LMBRD1: variants seen among roughly 807,000 people sequenced by gnomAD.
LMBRD1 encodes the protein lysosomal cobalamin transport escort protein LMBD1.
LMBRD1 carries 64 observed loss-of-function variants against 74.8 expected under a neutral mutation model. The ratio of observed to expected loss-of-function variants is 0.86; its 90% CI spans 0.70 to 1.05. LMBRD1 has a LOEUF of 1.05. Among genes scored for constraint, LMBRD1 ranks in the 50% least tolerant of loss-of-function variants. The probability of loss-of-function intolerance (pLI) is 0.00; values close to 1 mark genes in which losing one functional copy is unlikely to be tolerated. For missense variants in LMBRD1, 652 were observed against 645.9 expected, an observed-to-expected ratio of 1.01 and a Z score of -0.10; for synonymous variants, 204 against 216.3, an observed-to-expected ratio of 0.94 and a Z score of 0.50.
intron 7 of LMBRD1, among the ~76,000 whole-genome samples, chr6:69,737,677 T>G (rs894625107): frequency 2.0e-5 from 3 of 151,146 alleles, no homozygotes; most frequent in Non-Finnish European, 4.4e-5. Context: ...TTATATAGAT[T>G]TATAAGCATA....
chr6:69,701,842 C>T (rs1243575498), intron 10 of LMBRD1, 47 bp downstream of exon 10: 7 of 1,268,386 alleles, frequency 5.5e-6, no homozygotes, highest in Non-Finnish European at 8.1e-6. Flanking sequence ...TGTATATTAT[C>T]ATAGAATTTG....
At chr6:69,708,691 T>A (rs1303408039) in intron 9 of LMBRD1, among the ~76,000 whole-genome samples, 4 of 152,108 alleles carry the variant, frequency 2.6e-5, no homozygotes, top group South Asian at 4.2e-4. Context: ...AAATTGTAAC[T>A]TTTTTTACAT....
chr6:69,719,158 T>G, intron 7 of LMBRD1, 77 bp from the exon 8 acceptor site: 2 of 1,409,764 alleles, frequency 1.4e-6, no homozygotes, highest in Non-Finnish European at 2.0e-6. Context: ...TAAAAATGTC[T>G]TTTAAAGTCA....
intron 1 of LMBRD1, 98 bp from the exon 2 acceptor site, chr6:69,790,570 GT>G: frequency 8.2e-7 from 1 of 1,223,514 alleles, no homozygotes; most frequent in South Asian, 1.2e-5. Context: ...CTTATGTGAA[GT>G]AAAGGTTATT....
At chr6:69,694,830 C>T (rs1012949539) in intron 14 of LMBRD1, among the ~76,000 whole-genome samples, 1 of 152,166 alleles carries the variant, frequency 6.6e-6, no homozygotes, top group Non-Finnish European at 1.5e-5. Context: ...CTCTGTCCCT[C>T]GACATATTTA....
At chr6:69,712,434 T>G (rs796182618) in intron 9 of LMBRD1, among the ~76,000 whole-genome samples, 1 of 105,078 alleles carries the variant, frequency 9.5e-6, no homozygotes, top group African/African-American at 4.1e-5. Context: ...CTGTCAGAGT[T>G]CCTATGTTTT....
At chr6:69,716,248 C>T (rs1037031621) in intron 8 of LMBRD1, among the ~76,000 whole-genome samples, 1 of 152,108 alleles carries the variant, frequency 6.6e-6, no homozygotes, top group Non-Finnish European at 1.5e-5. Context: ...GTGTTTAAGC[C>T]TTCTCTTTTC....
At chr6:69,701,377 G>T in intron 11 of LMBRD1, 66 bp downstream of exon 11, 1 of 900,868 alleles carries the variant, frequency 1.1e-6, no homozygotes, top group Non-Finnish European at 1.8e-6. Flanking sequence ...ATGTCAGAAT[G>T]TTTGCTAGAC....
chr6:69,709,069 T>C (rs943751765), intron 9 of LMBRD1, among the ~76,000 whole-genome samples: 5 of 152,074 alleles, frequency 3.3e-5, no homozygotes, highest in Non-Finnish European at 7.4e-5. Flanking sequence ...ACCCCGTCTC[T>C]ACTAAAAATA....
chr6:69,796,206 T>C (rs1766223746), intron 1 of LMBRD1, among the ~76,000 whole-genome samples: 1 of 152,136 alleles, frequency 6.6e-6, no homozygotes, highest in South Asian at 2.1e-4. Flanking sequence ...TAAAGAGGGC[T>C]ACAGCTCCGC....
At chr6:69,794,245 G>T (rs1338522919) in intron 1 of LMBRD1, among the ~76,000 whole-genome samples, 1 of 152,134 alleles carries the variant, frequency 6.6e-6, no homozygotes, top group African/African-American at 2.4e-5. Flanking sequence ...CAAGACAGTG[G>T]CACCAAACTG....
intron 3 of LMBRD1, among the ~76,000 whole-genome samples, chr6:69,762,906 T>C (rs145000894): frequency 6.6e-6 from 1 of 152,086 alleles, no homozygotes; most frequent in Non-Finnish European, 1.5e-5. Flanking sequence ...TTGTGAGAAA[T>C]AAATGTTTAT....
intron 5 of LMBRD1, chr6:69,745,848 A>G (rs1398645903): frequency 6.3e-6 from 1 of 158,234 alleles, no homozygotes; most frequent in African/African-American, 2.4e-5. Flanking sequence ...TCTCAGCATC[A>G]CCAGACACAT....
intron 7 of LMBRD1, among the ~76,000 whole-genome samples, chr6:69,737,055 G>A (rs951403879): frequency 9.2e-5 from 14 of 152,054 alleles, no homozygotes; most frequent in African/African-American, 3.1e-4. Context: ...ATTATGGCAC[G>A]TGAATGATCA....
intron 7 of LMBRD1, among the ~76,000 whole-genome samples, chr6:69,733,835 C>A (rs1766915079): frequency 6.6e-6 from 1 of 152,118 alleles, no homozygotes; most frequent in African/African-American, 2.4e-5. Context: ...CTGCTTTTTG[C>A]ATTTGGTTTA....
chr6:69,734,692 G>A (rs1352293530), intron 7 of LMBRD1, among the ~76,000 whole-genome samples: 1 of 152,064 alleles, frequency 6.6e-6, no homozygotes, highest in Non-Finnish European at 1.5e-5. Context: ...CATTGTGCCT[G>A]GCAACAAAAC....
intron 5 of LMBRD1, among the ~76,000 whole-genome samples, chr6:69,743,546 T>C (rs1412140273): frequency 6.6e-6 from 1 of 152,202 alleles, no homozygotes; most frequent in Non-Finnish European, 1.5e-5. Context: ...TGACCCACAC[T>C]ACTATCAGAA....
At chr6:69,782,581 T>G (rs1026299403) in intron 2 of LMBRD1, among the ~76,000 whole-genome samples, 1 of 151,652 alleles carries the variant, frequency 6.6e-6, no homozygotes, top group African/African-American at 2.4e-5. Context: ...CTTGGAAGGA[T>G]GAGGAATGAG....
Position 69,699,136 on chromosome 6 carries a change from C to G in LMBRD1, c.1245G>C (p.Met415Ile). The G allele has an allele frequency of 6.2e-7, 1 of 1,611,104 alleles. No individual in the cohort carries two copies. The highest frequency in any genetic ancestry group is 8.5e-7 in the Non-Finnish European group (1 of 1,177,712). The change falls in exon 13 of 16, where the codon ATG becomes ATC. Residue 415 changes from methionine to isoleucine, a missense_variant. Transcript: ENST00000649934. Reference sequence around the variant, plus strand: ...TGTGAAGGACAATAAGCAGAAGTATCATGCAGAGAAAAAGGAGTGCTTGGG... The same window carrying G: ...TGTGAAGGACAATAAGCAGAAGTATGATGCAGAGAAAAAGGAGTGCTTGGG... Reference protein sequence around the residue: ...TRPQALLFLCMILLLIVLHTS... With the variant: ...TRPQALLFLCIILLLIVLHTS...
Sources: gnomAD v4.1 joint callset for allele counts (sites outside exome capture counted in the v4.1 genomes callset) on GRCh38, gnomAD v4.1.1 for gene constraint, MANE v1.5 for transcripts, NCBI Gene and HGNC (gene_info 2026-07-23, HGNC 2026-07-21) for gene names.